Variants in RNF13 observed in about 807,000 individuals in gnomAD.
RNF13 encodes the protein ring finger protein 13.
In RNF13, 19 loss-of-function variants were observed where a neutral mutation model predicts 37.7. The ratio of observed to expected loss-of-function variants is 0.50; its 90% CI spans 0.35 to 0.74. The LOEUF (loss-of-function observed/expected upper bound fraction) is 0.74, where lower values mean the gene tolerates loss of function less well. Among genes scored for constraint, RNF13 ranks in the 30% least tolerant of loss-of-function variants. The pLI, the probability that RNF13 is intolerant of heterozygous loss-of-function variation, is 0.01. For missense variants in RNF13, 375 were observed against 453.0 expected (o/e 0.83, Z 1.56); for synonymous variants, 144 against 157.8 (o/e 0.91, Z 0.65).
chr3:149,833,273 C>T (rs972713582), intron 1 of RNF13, among the ~76,000 whole-genome samples: 1 of 152,066 alleles, frequency 6.6e-6, no homozygotes, highest in African/African-American at 2.4e-5. Context: ...GTGCCTGTCA[C>T]CACACCCAGC....
At chr3:149,913,894 C>T (rs1179815296) in intron 7 of RNF13, among the ~76,000 whole-genome samples, 1 of 151,988 alleles carries the variant, frequency 6.6e-6, no homozygotes, top group Non-Finnish European at 1.5e-5. Flanking sequence ...TTTCCTTTTT[C>T]TACTCTTTTC....
chr3:149,938,655 A>G (rs183218175), intron 8 of RNF13, among the ~76,000 whole-genome samples: 55 of 151,928 alleles, frequency 3.6e-4, no homozygotes, highest in African/African-American at 1.3e-3. Context: ...CTTTTAATCT[A>G]TGTGTCTTAA....
chr3:149,923,257 T>G (rs1375893104), intron 8 of RNF13, among the ~76,000 whole-genome samples: 5 of 152,132 alleles, frequency 3.3e-5, no homozygotes, highest in Non-Finnish European at 2.9e-5. Flanking sequence ...AATAGTTTTT[T>G]TTTGTTTTGT....
chr3:149,929,405 C>G (rs1162478020), intron 8 of RNF13, among the ~76,000 whole-genome samples: 1 of 152,108 alleles, frequency 6.6e-6, no homozygotes, highest in African/African-American at 2.4e-5. Context: ...GCCCCTGACA[C>G]GTGGGGATTA....
chr3:149,829,013 C>T (rs1022287184), intron 1 of RNF13, among the ~76,000 whole-genome samples: 16 of 152,152 alleles, frequency 1.1e-4, no homozygotes, highest in African/African-American at 3.9e-4. Flanking sequence ...CGGATCACAT[C>T]TCATATATAC....
At chr3:149,932,571 C>T (rs555670520) in intron 8 of RNF13, among the ~76,000 whole-genome samples, 1 of 152,228 alleles carries the variant, frequency 6.6e-6, no homozygotes, top group South Asian at 2.1e-4. Context: ...AGGAATTGGC[C>T]AAAAGAAAGG....
chr3:149,836,242 A>T (rs1464932051), intron 1 of RNF13, among the ~76,000 whole-genome samples: 1 of 152,012 alleles, frequency 6.6e-6, no homozygotes, highest in East Asian at 1.9e-4. Flanking sequence ...GGGATTGTTA[A>T]CTCAGTGGCA....
chr3:149,882,204 G>A (rs1024450252), intron 4 of RNF13, among the ~76,000 whole-genome samples: 18 of 151,490 alleles, frequency 1.2e-4, no homozygotes, highest in South Asian at 4.2e-4. Flanking sequence ...TTGGTGAAAA[G>A]GTGGGGAAAA....
Position 149,861,479 on chromosome 3 carries a change from A to G in RNF13, c.195+8883A>G, listed in dbSNP as rs112928043. 4.2e-3 allele frequency among the ~76,000 whole-genome samples: 636 copies of G among 152,338 alleles called. 6 individuals carry two copies. The highest frequency in any genetic ancestry group is 0.02 in the South Asian group (95 of 4,832). ...ATGAAACCATGTCATTTGTCACAAC[A>G]TGAATGGAATTAGAGATTATTATGT... On this transcript the variant is annotated intron_variant, in intron 3 of 9. Coordinates refer to ENST00000392894, the MANE Select transcript of RNF13 (RefSeq NM_183381.3).
At chr3:149,817,987 T>A (rs890212773) in intron 1 of RNF13, among the ~76,000 whole-genome samples, 1 of 152,172 alleles carries the variant, frequency 6.6e-6, no homozygotes, top group Non-Finnish European at 1.5e-5. Context: ...TTGGTACAAT[T>A]GGGTAGAGCA....
intron 3 of RNF13, among the ~76,000 whole-genome samples, chr3:149,871,035 A>AT (rs144707628): frequency 0.042 from 5,141 of 121,240 alleles, 192 homozygotes; most frequent in African/African-American, 0.069. Flanking sequence ...CTGTTACCAG[A>AT]TTTTTTTTTT....
At chr3:149,852,786 T>C (rs1290159035) in intron 3 of RNF13, among the ~76,000 whole-genome samples, 190 bp downstream of exon 3, 1 of 152,056 alleles carries the variant, frequency 6.6e-6, no homozygotes, top group African/African-American at 2.4e-5. Context: ...GATTGTATTA[T>C]TCTGAACTAG....
Position 149,899,315 on chromosome 3 carries a change from C to G in RNF13, c.410-2757C>G, listed in dbSNP as rs187993656. On this transcript the variant is annotated intron_variant, in intron 5 of 9. Coordinates refer to ENST00000392894, the MANE Select transcript of RNF13 (RefSeq NM_183381.3). ...ATAAAAAATTAGCCAGGTGTGGTGG[C>G]GTGCATGCCTGTAGTCCCAGCTACT... Among the ~76,000 whole-genome samples, 41 of 152,020 alleles carry G rather than the reference C, an allele frequency of 2.7e-4. No individual in the cohort carries two copies. In the East Asian group the frequency reaches 7.4e-3, roughly 27 times the overall value.
At chr3:149,868,578 C>T (rs1421238486) in intron 3 of RNF13, among the ~76,000 whole-genome samples, 1 of 151,228 alleles carries the variant, frequency 6.6e-6, no homozygotes, top group Non-Finnish European at 1.5e-5. Context: ...TCCTCTCCTC[C>T]CCTCCCCTTT....
At chr3:149,878,052 A>C (rs916763866) in intron 4 of RNF13, among the ~76,000 whole-genome samples, 4 of 152,182 alleles carry the variant, frequency 2.6e-5, no homozygotes, top group Admixed American at 1.3e-4. Context: ...GAAAAATATT[A>C]ATTTACATGT....
intron 3 of RNF13, among the ~76,000 whole-genome samples, chr3:149,859,665 C>T (rs1724020519): frequency 6.6e-6 from 1 of 151,772 alleles, no homozygotes; most frequent in Admixed American, 6.6e-5. Context: ...ATTTTTTATT[C>T]TTCTGCTCAT....
chr3:149,939,948 AT>A (rs908764824), intron 8 of RNF13: 29 of 276,418 alleles, frequency 1.0e-4, no homozygotes, highest in South Asian at 2.5e-4. Flanking sequence ...AGCTGGTCTT[AT>A]TTTTTTTATC....
At chr3:149,860,266 A>T in intron 3 of RNF13, among the ~76,000 whole-genome samples, 1 of 92,760 alleles carries the variant, frequency 1.1e-5, no homozygotes, top group East Asian at 2.9e-4. Flanking sequence ...TAAAAAAAAA[A>T]AAAAATATAT....
chr3:149,875,202 C>T (rs935207970), intron 4 of RNF13, among the ~76,000 whole-genome samples: 2 of 152,086 alleles, frequency 1.3e-5, no homozygotes, highest in Non-Finnish European at 1.5e-5. Flanking sequence ...TATATTTTGG[C>T]ATGCCTCTTA....
Sources: allele counts gnomAD v4.1 joint callset (sites outside exome capture counted in the v4.1 genomes callset), GRCh38; gene constraint gnomAD v4.1.1; transcripts MANE v1.5; gene names NCBI Gene and HGNC (gene_info 2026-07-23, HGNC 2026-07-21).